The following MGAM2 variants were observed in gnomAD, a reference collection of about 807,000 sequenced individuals.
MGAM2 encodes probable maltase-glucoamylase 2.
In MGAM2, 98 loss-of-function variants were observed where a neutral mutation model predicts 96.1. The observed-to-expected ratio is 1.02, with a 90% CI of 0.87 to 1.21. The LOEUF is 1.21. MGAM2 is among the 50% of genes most tolerant of loss of function. MGAM2 has a pLI of 0.00. For missense variants in MGAM2, 2,055 were observed against 1,182.4 expected, an observed-to-expected ratio of 1.74 and a Z score of -10.82; for synonymous variants, 749 against 414.8, an observed-to-expected ratio of 1.81 and a Z score of -9.79.
chr7:142,195,612 C>A (rs1797009564), intron 37 of MGAM2, among the ~76,000 whole-genome samples: 1 of 151,774 alleles, frequency 6.6e-6, no homozygotes, highest in African/African-American at 2.4e-5. Flanking sequence ...CCACCTTGAC[C>A]TCCCAAAATG....
chr7:142,171,391 A>C lies in MGAM2; in HGVS notation c.3302A>C (p.Asn1101Thr), dbSNP rs1563273917. The change falls in exon 28 of 48, where the codon AAC (asparagine) becomes ACC (threonine). Residue 1101 changes from asparagine to threonine, a missense_variant. Coordinates refer to ENST00000477922, the MANE Select transcript of MGAM2 (RefSeq NM_001293626.2). Reference protein sequence around the residue: ...GETEHTTFRRNMNWNTWGMFA... With the variant: ...GETEHTTFRRTMNWNTWGMFA... ...ACTGAGCACACGACTTTCAGAAGAA[A>C]CATGAACTGGAACACATGGGGAATG... 1.4e-6 allele frequency: 1 copy of C among 703,066 alleles called. No individual in the cohort carries two copies. The highest frequency in any genetic ancestry group is 1.7e-5 in the African/African-American group (1 of 57,144). 43.6% of individuals were successfully genotyped at this position (703,066 alleles called of 1,614,324 possible).
At chr7:142,139,822 G>A (rs1295454047) in intron 10 of MGAM2, among the ~76,000 whole-genome samples, 1 of 151,946 alleles carries the variant, frequency 6.6e-6, no homozygotes, top group Non-Finnish European at 1.5e-5. Flanking sequence ...AAAACAGATG[G>A]TCAATGTGTT....
intron 17 of MGAM2, among the ~76,000 whole-genome samples, chr7:142,155,810 A>G (rs913291382): frequency 6.6e-6 from 1 of 152,204 alleles, no homozygotes; most frequent in African/African-American, 2.4e-5. Context: ...GCTCTATTCA[A>G]TAAAATTATA....
At chr7:142,143,406 C>T (rs1001993253) in intron 12 of MGAM2, among the ~76,000 whole-genome samples, 1 of 152,078 alleles carries the variant, frequency 6.6e-6, no homozygotes, top group African/African-American at 2.4e-5. Flanking sequence ...CTTTATGTGA[C>T]CTTTAATTAA....
chr7:142,129,165 C>T lies in MGAM2; in HGVS notation c.187-1783C>T, dbSNP rs1412215237. On this transcript the variant is annotated intron_variant, in intron 3 of 47. Transcript: ENST00000477922. ...TTTGACAGCCTCATTGGATTTCAGA[C>T]TTGCATGGGGCCTGTAGCCCCTTCA... Among the ~76,000 whole-genome samples, 4 of 152,332 alleles carry T rather than the reference C, an allele frequency of 2.6e-5. No homozygotes were observed. In the East Asian group the frequency reaches 7.7e-4, roughly 29 times the overall value.
intron 26 of MGAM2, 112 bp downstream of exon 26, chr7:142,167,598 G>T: frequency 1.6e-6 from 1 of 638,860 alleles, no homozygotes; most frequent in Non-Finnish European, 2.8e-6. Flanking sequence ...TTCAAGACAG[G>T]ATCTCCCACT....
At chr7:142,218,909 GC>G (rs1445165493) in intron 47 of MGAM2, among the ~76,000 whole-genome samples, 1 of 151,828 alleles carries the variant, frequency 6.6e-6, no homozygotes, top group African/African-American at 2.4e-5. Flanking sequence ...GTTGAAGGTT[GC>G]CCCCATGCTT....
chr7:142,219,785 T>C (rs2129108185), intron 47 of MGAM2, 85 bp from the exon 48 acceptor site: 1 of 611,448 alleles, frequency 1.6e-6, no homozygotes, highest in East Asian at 2.7e-5. Context: ...CATCATTTTT[T>C]GTTAAATTGT....
chr7:142,217,160 C>T (rs973144985), intron 46 of MGAM2, among the ~76,000 whole-genome samples: 4 of 152,144 alleles, frequency 2.6e-5, no homozygotes, highest in African/African-American at 9.7e-5. Context: ...TTCATTTGGG[C>T]CTTCATCATG....
chr7:142,157,833 C>T (rs1404090566), intron 17 of MGAM2, 104 bp from the exon 18 acceptor site: 4 of 638,840 alleles, frequency 6.3e-6, no homozygotes, highest in Non-Finnish European at 1.1e-5. Context: ...TGATATTCTC[C>T]AAGTTGGAGG....
At chr7:142,205,577 C>T (rs1307492422) in intron 45 of MGAM2, among the ~76,000 whole-genome samples, 1 of 152,022 alleles carries the variant, frequency 6.6e-6, no homozygotes, top group African/African-American at 2.4e-5. Context: ...TGTTGAACAT[C>T]TTTACATGTA....
At chr7:142,201,266 C>T (rs146239689) in intron 45 of MGAM2, among the ~76,000 whole-genome samples, 4,895 of 151,416 alleles carry the variant, frequency 0.032, 269 homozygotes, top group African/African-American at 0.11. Flanking sequence ...GATGGGGTTT[C>T]GCCATGTTGG....
intron 46 of MGAM2, among the ~76,000 whole-genome samples, chr7:142,212,972 A>G (rs896739347): frequency 3.9e-5 from 6 of 152,330 alleles, no homozygotes; most frequent in African/African-American, 4.8e-5. Context: ...AACAGAAATC[A>G]TAACAAAGAG....
chr7:142,149,998 A>G (rs1563261627), intron 15 of MGAM2, among the ~76,000 whole-genome samples: 1 of 148,780 alleles, frequency 6.7e-6, no homozygotes, highest in Non-Finnish European at 1.5e-5. Flanking sequence ...CTGGAGTGCA[A>G]TGGCGCGATC....
In MGAM2 at chr7:142,143,157, A is replaced by AT. The variant is rs199985916; in HGVS notation, c.1318-606dup. 3.5e-3 allele frequency among the ~76,000 whole-genome samples: 537 copies of AT among 152,306 alleles called. 4 individuals are homozygous for AT. The highest frequency in any genetic ancestry group is 0.012 in the African/African-American group (510 of 41,560). On this transcript the variant is annotated intron_variant, in intron 12 of 47. Transcript: ENST00000477922. ...AAATTTATAGGGAAAATGAGCAAAA[A>AT]TTTTTTACAAAAACTGGTATCCTTT...
At chr7:142,206,468 T>C (rs1797404265) in intron 45 of MGAM2, among the ~76,000 whole-genome samples, 1 of 152,164 alleles carries the variant, frequency 6.6e-6, no homozygotes, top group Non-Finnish European at 1.5e-5. Flanking sequence ...TACTGCTGGT[T>C]GAGGATCAAT....
At chr7:142,135,119 A>G (rs1795019199) in intron 7 of MGAM2, among the ~76,000 whole-genome samples, 1 of 152,092 alleles carries the variant, frequency 6.6e-6, no homozygotes, top group Admixed American at 6.5e-5. Context: ...AAGTTGAAGT[A>G]TGGTGCAAGG....
At chr7:142,127,963 G>A (rs995355890) in intron 3 of MGAM2, among the ~76,000 whole-genome samples, 7 of 152,184 alleles carry the variant, frequency 4.6e-5, no homozygotes, top group Admixed American at 4.6e-4. Flanking sequence ...ACAGGCTGAG[G>A]TTGGAACAGT....
intron 46 of MGAM2, among the ~76,000 whole-genome samples, chr7:142,216,496 C>T (rs886998600): frequency 2.0e-5 from 3 of 152,062 alleles, no homozygotes; most frequent in Admixed American, 2.0e-4. Flanking sequence ...AAAGAAAGAT[C>T]GCAACTTTCC....
Sources: gnomAD v4.1 joint callset for allele counts (sites outside exome capture counted in the v4.1 genomes callset) on GRCh38, gnomAD v4.1.1 for gene constraint, MANE v1.5 for transcripts, NCBI Gene and HGNC (gene_info 2026-07-23, HGNC 2026-07-21) for gene names.